STK32B: variants seen among roughly 807,000 people sequenced by gnomAD.
STK32B encodes the protein serine/threonine-protein kinase 32B.
Under a neutral mutation model 52.6 loss-of-function variants are expected in STK32B, and 43 were observed. That is an observed-to-expected ratio of 0.82 (90% CI 0.64 to 1.05). STK32B has a LOEUF of 1.05. Ranked by LOEUF, STK32B falls within the 50% of genes least tolerant of loss-of-function variation. The pLI is 0.00. For synonymous variants in STK32B, 238 were observed against 204.3 expected (o/e 1.17, Z -1.41); for missense variants, 621 against 534.6 (o/e 1.16, Z -1.59).
intron 1 of STK32B, among the ~76,000 whole-genome samples, chr4:5,055,194 G>T (rs1008103430): frequency 6.6e-6 from 1 of 151,938 alleles, no homozygotes; most frequent in African/African-American, 2.4e-5. Context: ...GGCTCAAGGG[G>T]TCCTTCCATC....
At chr4:5,350,765 C>T (rs1733773952) in intron 4 of STK32B, among the ~76,000 whole-genome samples, 1 of 151,850 alleles carries the variant, frequency 6.6e-6, no homozygotes, top group African/African-American at 2.4e-5. Context: ...TGTAAAGACA[C>T]ATATAGACTG....
chr4:5,480,778 T>C (rs1718628333), intron 11 of STK32B, among the ~76,000 whole-genome samples: 1 of 149,970 alleles, frequency 6.7e-6, no homozygotes, highest in Non-Finnish European at 1.5e-5. Flanking sequence ...TTCCCCTTCC[T>C]GTGTCCATGT....
At chr4:5,042,426 T>C in the STK32B span, among the ~76,000 whole-genome samples, 8 of 152,248 alleles carry the variant, frequency 5.3e-5, no homozygotes, top group African/African-American at 1.9e-4. Flanking sequence ...GCTGACTTCA[T>C]CTGGAGCACA....
At chr4:5,181,329 G>GACACACACACACACACAC (rs751590603) in intron 3 of STK32B, among the ~76,000 whole-genome samples, 27 of 138,118 alleles carry the variant, frequency 2.0e-4, no homozygotes, top group Middle Eastern at 3.7e-3. Context: ...TGGAGAGTGA[G>GACACACACACACACACAC]ACACACACAC....
At chr4:5,263,928 T>C (rs1298045312) in intron 3 of STK32B, among the ~76,000 whole-genome samples, 2 of 152,226 alleles carry the variant, frequency 1.3e-5, no homozygotes, top group Non-Finnish European at 2.9e-5. Context: ...ATGAAAATAT[T>C]GTGCCTGGCT....
intron 11 of STK32B, among the ~76,000 whole-genome samples, chr4:5,476,182 GAGC>G (rs1034125354): frequency 1.3e-5 from 2 of 152,184 alleles, no homozygotes; most frequent in African/African-American, 4.8e-5. Context: ...TTACAGGTGT[GAGC>G]CACTGCACCC....
chr4:5,475,885 T>A (rs1238995582), intron 11 of STK32B, among the ~76,000 whole-genome samples: 1 of 151,930 alleles, frequency 6.6e-6, no homozygotes, highest in Non-Finnish European at 1.5e-5. Context: ...CTCACCACAA[T>A]CTTTTTGTTT....
At position 5,453,741 on chromosome 4, in the gene STK32B, TA is replaced by T. The variant is rs1321702491; in HGVS notation, c.667-3061del. Among the ~76,000 whole-genome samples, 1 of 151,426 alleles carries T rather than the reference TA, an allele frequency of 6.6e-6. No individual in the cohort carries two copies. Among genetic ancestry groups the T allele is most frequent in the Non-Finnish European group, 1.5e-5 (1 of 67,978 alleles). Reference sequence around the variant, plus strand: ...CAACATGGTAAAACCCGGTCTCTACTAAAAATAAAAAAGATTAGTGGGGCAT... The same window carrying T: ...CAACATGGTAAAACCCGGTCTCTACTAAAATAAAAAAGATTAGTGGGGCAT... On this transcript the variant is annotated intron_variant, in intron 7 of 11. Transcript: ENST00000282908. The surrounding 1 kb of genome is among the most constrained non-coding windows in gnomAD (Gnocchi z 4.0).
At chr4:5,173,562 C>T (rs1364530857) in intron 3 of STK32B, among the ~76,000 whole-genome samples, 3 of 151,896 alleles carry the variant, frequency 2.0e-5, no homozygotes, top group Non-Finnish European at 4.4e-5. Context: ...TCGTTATGTA[C>T]CCAGTAGTCA....
intron 6 of STK32B, among the ~76,000 whole-genome samples, chr4:5,431,325 G>A (rs1713558060): frequency 6.6e-6 from 1 of 152,140 alleles, no homozygotes; most frequent in Admixed American, 6.5e-5. Flanking sequence ...AACATTAATT[G>A]CCTTGGATAA....
intron 1 of STK32B, among the ~76,000 whole-genome samples, chr4:5,118,332 T>G (rs1714848320): frequency 6.6e-6 from 1 of 152,236 alleles, no homozygotes; most frequent in South Asian, 2.1e-4. Context: ...GGTAATCCAG[T>G]TTTGACTGGC....
intron 1 of STK32B, among the ~76,000 whole-genome samples, chr4:5,107,998 A>T (rs1714198359): frequency 6.6e-6 from 1 of 152,202 alleles, no homozygotes. Context: ...CACCACTCAC[A>T]TCAATAAATG....
intron 3 of STK32B, among the ~76,000 whole-genome samples, chr4:5,249,681 C>G (rs1368516410): frequency 6.6e-6 from 1 of 152,158 alleles, no homozygotes; most frequent in Non-Finnish European, 1.5e-5. Context: ...ATCCAGATAT[C>G]AAATACAGAG....
chr4:5,272,633 C>A (rs550830413), intron 3 of STK32B, among the ~76,000 whole-genome samples: 11 of 151,990 alleles, frequency 7.2e-5, no homozygotes, highest in Non-Finnish European at 1.2e-4. Context: ...GTGCTGGTAC[C>A]AAAACAGAGA....
intron 11 of STK32B, among the ~76,000 whole-genome samples, chr4:5,485,276 C>T (rs552093951): frequency 3.7e-4 from 56 of 152,212 alleles, no homozygotes; most frequent in Middle Eastern, 3.4e-3. Context: ...TTCTTGGAGG[C>T]TTTCTCGTTT....
At chr4:5,183,537 G>A (rs571639452) in intron 3 of STK32B, among the ~76,000 whole-genome samples, 1 of 151,972 alleles carries the variant, frequency 6.6e-6, no homozygotes, top group East Asian at 1.9e-4. Context: ...ATTCTTTCTA[G>A]ATGTTAAAGT....
intron 4 of STK32B, among the ~76,000 whole-genome samples, chr4:5,388,996 A>G (rs888066218): frequency 1.3e-5 from 2 of 152,182 alleles, no homozygotes; most frequent in African/African-American, 4.8e-5. Flanking sequence ...TCTTTGCAGG[A>G]TTAAAAAAAA....
chr4:5,457,492 G>A (rs1237092245), intron 8 of STK32B, among the ~76,000 whole-genome samples: 1 of 151,378 alleles, frequency 6.6e-6, no homozygotes, highest in South Asian at 2.1e-4. Context: ...TGGGATTACA[G>A]GCGTGAGCCA....
At chr4:5,073,946 CCTTTTATTCTT>C (rs1178567927) in intron 1 of STK32B, among the ~76,000 whole-genome samples, 2 of 151,732 alleles carry the variant, frequency 1.3e-5, no homozygotes, top group African/African-American at 4.8e-5. Flanking sequence ...GGTTTTCTTT[CCTTTTATTCTT>C]CTTAGGGTTT....
Sources: gnomAD v4.1 joint callset for allele counts (sites outside exome capture counted in the v4.1 genomes callset) on GRCh38, gnomAD v4.1.1 for gene constraint, Gnocchi (gnomAD v3.1) non-coding constraint, MANE v1.5 for transcripts, NCBI Gene and HGNC (gene_info 2026-07-23, HGNC 2026-07-21) for gene names.